Variants in RAD51B observed in about 807,000 individuals in gnomAD.
RAD51B encodes the protein DNA repair protein RAD51 homolog 2.
RAD51B carries 38 observed loss-of-function variants against 42.2 expected under a neutral mutation model. The ratio of observed to expected loss-of-function variants is 0.90; its 90% CI spans 0.70 to 1.18. The LOEUF is 1.18. RAD51B is among the 50% of genes most tolerant of loss of function. The pLI is 0.00. For synonymous variants in RAD51B, 154 were observed against 145.2 expected, an observed-to-expected ratio of 1.06 and a Z score of -0.43; for missense variants, 373 against 400.7, an observed-to-expected ratio of 0.93 and a Z score of 0.59.
At chr14:68,021,113 A>G (rs2075857137) in intron 7 of RAD51B, among the ~76,000 whole-genome samples, 1 of 152,218 alleles carries the variant, frequency 6.6e-6, no homozygotes, top group African/African-American at 2.4e-5. Flanking sequence ...GTGACTCTCT[A>G]AATAAACAGT....
intron 5 of RAD51B, among the ~76,000 whole-genome samples, chr14:67,865,349 G>A (rs181116073): frequency 1.2e-4 from 18 of 149,968 alleles, no homozygotes; most frequent in Admixed American, 2.7e-4. Flanking sequence ...CGATTCTCCT[G>A]CCTCAGCCTC....
intron 7 of RAD51B, among the ~76,000 whole-genome samples, chr14:67,920,659 G>A (rs2044293540): frequency 6.6e-6 from 1 of 152,142 alleles, no homozygotes; most frequent in Non-Finnish European, 1.5e-5. Flanking sequence ...TCACCCAGGG[G>A]TCTGAGAACA....
intron 7 of RAD51B, among the ~76,000 whole-genome samples, chr14:67,920,955 C>T (rs1817801287): frequency 6.6e-6 from 1 of 152,094 alleles, no homozygotes; most frequent in South Asian, 2.1e-4. Context: ...AAATGGCAGA[C>T]ATTTATTTGT....
chr14:68,581,366 C>A (rs558323442), intron 10 of RAD51B, among the ~76,000 whole-genome samples: 4 of 152,254 alleles, frequency 2.6e-5, no homozygotes, highest in African/African-American at 7.2e-5. Context: ...GCTGTGGAAG[C>A]GTTCTGAGTA....
At chr14:68,129,801 C>T (rs1426060669) in intron 7 of RAD51B, among the ~76,000 whole-genome samples, 1 of 152,102 alleles carries the variant, frequency 6.6e-6, no homozygotes, top group Non-Finnish European at 1.5e-5. Flanking sequence ...ATTCCTAGGC[C>T]CTATCCCCAG....
intron 10 of RAD51B, among the ~76,000 whole-genome samples, chr14:68,646,496 C>T (rs1021877023): frequency 6.6e-6 from 1 of 152,148 alleles, no homozygotes; most frequent in Non-Finnish European, 1.5e-5. Context: ...CATTTTGTTG[C>T]AAATATTTCT....
chr14:68,093,516 A>G (rs1220341881), intron 7 of RAD51B, among the ~76,000 whole-genome samples: 2 of 152,084 alleles, frequency 1.3e-5, no homozygotes, highest in African/African-American at 4.8e-5. Flanking sequence ...CTCTGATGTT[A>G]GTTTGTATTT....
At position 68,116,346 on chromosome 14, in the gene RAD51B, TAAAA is replaced by T. The variant is rs59572940; in HGVS notation, c.757-175524_757-175521del. 8.1e-5 allele frequency among the ~76,000 whole-genome samples: 11 copies of T among 135,290 alleles called. No homozygotes were observed. The South Asian group carries it at 1.9e-3, about 24-fold the overall frequency. 88.8% of individuals were successfully genotyped at this position (135,290 alleles called of 152,430 possible). On this transcript the variant is annotated intron_variant, in intron 7 of 10. Coordinates refer to ENST00000471583, the MANE Select transcript of RAD51B (RefSeq NM_133510.4). ...ATAAAGCTCTGTACATTTAAAAGGTTAAAAAAAAAAAAAAAAAGAAACTAGGTTT... is the reference window on the plus strand; with the variant it reads ...ATAAAGCTCTGTACATTTAAAAGGTTAAAAAAAAAAAAAGAAACTAGGTTT...
chr14:68,001,058 T>C (rs947323357), intron 7 of RAD51B, among the ~76,000 whole-genome samples: 7 of 152,164 alleles, frequency 4.6e-5, no homozygotes, highest in African/African-American at 1.7e-4. Context: ...TTACAAATCA[T>C]AATTTGGTTA....
At chr14:67,864,022 C>T (rs2042244299) in intron 4 of RAD51B, among the ~76,000 whole-genome samples, 2 of 150,918 alleles carry the variant, frequency 1.3e-5, no homozygotes, top group Admixed American at 1.3e-4. Flanking sequence ...GAGAGAGAGA[C>T]ATCTTACTAT....
chr14:67,883,095 T>G (rs2042962741), intron 5 of RAD51B, among the ~76,000 whole-genome samples: 1 of 152,174 alleles, frequency 6.6e-6, no homozygotes, highest in Non-Finnish European at 1.5e-5. Context: ...TCTAGTTACT[T>G]CTCATCACTT....
chr14:68,507,920 A>G (rs1885454803), intron 10 of RAD51B, among the ~76,000 whole-genome samples: 1 of 152,200 alleles, frequency 6.6e-6, no homozygotes, highest in Admixed American at 6.5e-5. Flanking sequence ...CCACCCGGAA[A>G]CCAAGTCTAG....
At chr14:68,632,770 T>A (rs901045331) in intron 10 of RAD51B, among the ~76,000 whole-genome samples, 5 of 152,030 alleles carry the variant, frequency 3.3e-5, no homozygotes, top group African/African-American at 1.2e-4. Flanking sequence ...CTCAGCGCAA[T>A]GACCAGTGGG....
At chr14:67,863,741 A>G (rs2042235110) in intron 4 of RAD51B, among the ~76,000 whole-genome samples, 1 of 152,238 alleles carries the variant, frequency 6.6e-6, no homozygotes, top group African/African-American at 2.4e-5. Flanking sequence ...TGTGACAAAT[A>G]GCATGTGTTT....
rs201395796 is a variant in RAD51B, at chr14:68,641,503, A to T, written c.1037-9278A>T. On this transcript the variant is annotated intron_variant, in intron 10 of 11. Coordinates refer to the RAD51B transcript ENST00000488612. ...CAGTATGATGTTGAAAAACTATAACAGGGGAAATCCTTGCTTTCTTCCTGA... is the reference window on the plus strand; with the variant it reads ...CAGTATGATGTTGAAAAACTATAACTGGGGAAATCCTTGCTTTCTTCCTGA... Among the ~76,000 whole-genome samples the T allele has an allele frequency of 8.7e-4, 52 of 59,886 alleles. 1 individual carries two copies. In the South Asian group the frequency reaches 0.035, roughly 40 times the overall value. The allele number at this position is 59,886 out of a possible 152,430, so 39.3% of individuals were successfully genotyped here.
intron 7 of RAD51B, among the ~76,000 whole-genome samples, chr14:67,912,616 A>T (rs1447985387): frequency 6.6e-6 from 1 of 152,218 alleles, no homozygotes; most frequent in Non-Finnish European, 1.5e-5. Flanking sequence ...GTAGAGATAC[A>T]AACAATTTAG....
At chr14:68,635,271 G>A (rs1158633287) in intron 10 of RAD51B, among the ~76,000 whole-genome samples, 1 of 152,008 alleles carries the variant, frequency 6.6e-6, no homozygotes, top group Non-Finnish European at 1.5e-5. Context: ...TCCTTTTCCT[G>A]CAAATATCCA....
rs560241630 is a variant in RAD51B at position 68,644,003 on chromosome 14, A to G, written c.1037-6778A>G. Among the ~76,000 whole-genome samples, 238 of 152,024 alleles carry G rather than the reference A, an allele frequency of 1.6e-3. 2 individuals are homozygous for G. The highest frequency in any genetic ancestry group is 3.4e-3 in the Middle Eastern group (1 of 294). On this transcript the variant is annotated intron_variant, in intron 10 of 11. Transcript: ENST00000488612. ...CTGCCTTTCCCTTTGTTGTTGGGGC[A>G]CTCTGCTACAACCTGCTTCATGCTC... is the stretch of plus-strand genomic sequence containing the variant.
chr14:68,251,828 T>G (rs1285173173), intron 7 of RAD51B, among the ~76,000 whole-genome samples: 1 of 152,210 alleles, frequency 6.6e-6, no homozygotes, highest in Non-Finnish European at 1.5e-5. Flanking sequence ...AATACAGTTA[T>G]GTAAAAATTC....
Sources: allele counts gnomAD v4.1 joint callset (sites outside exome capture counted in the v4.1 genomes callset), GRCh38; gene constraint gnomAD v4.1.1; transcripts MANE v1.5; gene names NCBI Gene and HGNC (gene_info 2026-07-23, HGNC 2026-07-21).